The following CMSS1 variants were observed in gnomAD, a reference collection of about 807,000 sequenced individuals.
CMSS1 encodes protein CMSS1.
In CMSS1, 33 loss-of-function variants were observed where a neutral mutation model predicts 43.5. The ratio of observed to expected loss-of-function variants is 0.76; its 90% CI spans 0.57 to 1.01. The LOEUF is 1.01. Among genes scored for constraint, CMSS1 ranks in the 50% least tolerant of loss-of-function variants. The probability of loss-of-function intolerance (pLI) is 0.00; values close to 1 mark genes in which losing one functional copy is unlikely to be tolerated. For synonymous variants in CMSS1, 115 were observed against 117.2 expected (o/e 0.98, Z 0.12); for missense variants, 313 against 326.4 (o/e 0.96, Z 0.32).
intron 9 of CMSS1, among the ~76,000 whole-genome samples, chr3:100,178,046 G>C: frequency 6.6e-6 from 1 of 152,130 alleles, no homozygotes. Context: ...TTGAACCTGG[G>C]AAGCAGAGAT....
At chr3:99,878,810 A>G (rs1705626058) in intron 1 of CMSS1, among the ~76,000 whole-genome samples, 1 of 152,208 alleles carries the variant, frequency 6.6e-6, no homozygotes, top group African/African-American at 2.4e-5. Flanking sequence ...GCAAACTCCA[A>G]CCAGCTGTTG....
At chr3:100,172,985 A>T (rs908917855) in intron 8 of CMSS1, among the ~76,000 whole-genome samples, 4 of 152,194 alleles carry the variant, frequency 2.6e-5, no homozygotes, top group Non-Finnish European at 5.9e-5. Flanking sequence ...TACCAGGCAG[A>T]TTGAATGATT....
Position 100,136,929 on chromosome 3 carries a change from C to T in CMSS1, c.65-10044C>T, listed in dbSNP as rs183069840. On this transcript the variant is annotated intron_variant, in intron 1 of 9. Transcript: ENST00000421999. ...CAACCTCTGTGAGTATAGGTGGATT[C>T]AGAATTGAGAGCCTCTTCCTCCTTG... is the stretch of plus-strand genomic sequence containing the variant. Among the ~76,000 whole-genome samples the T allele has an allele frequency of 1.3e-3, 192 of 152,370 alleles. 2 individuals are homozygous for T. The highest frequency in any genetic ancestry group is 4.3e-3 in the African/African-American group (179 of 41,588).
intron 1 of CMSS1, among the ~76,000 whole-genome samples, chr3:100,013,745 T>A (rs1710234893): frequency 6.6e-6 from 1 of 152,212 alleles, no homozygotes; most frequent in Non-Finnish European, 1.5e-5. Context: ...AATGCAATGT[T>A]TGATGTATGT....
chr3:99,945,420 G>A (rs1707980044), intron 1 of CMSS1, among the ~76,000 whole-genome samples: 1 of 152,172 alleles, frequency 6.6e-6, no homozygotes. Flanking sequence ...ACTGTGTGTG[G>A]TTCCATATAG....
intron 1 of CMSS1, among the ~76,000 whole-genome samples, chr3:99,861,803 C>T (rs1226671254): frequency 2.0e-5 from 3 of 152,104 alleles, no homozygotes; most frequent in African/African-American, 2.4e-5. Context: ...CAGTGCAGAG[C>T]GAGAAATTCA....
chr3:99,867,418 A>G (rs1331384952), intron 1 of CMSS1, among the ~76,000 whole-genome samples: 2 of 152,354 alleles, frequency 1.3e-5, no homozygotes, highest in Non-Finnish European at 1.5e-5. Flanking sequence ...AGTAGCTGAA[A>G]AAAAGGTTTT....
chr3:99,863,032 T>C (rs1944337034), intron 1 of CMSS1, among the ~76,000 whole-genome samples: 1 of 152,210 alleles, frequency 6.6e-6, no homozygotes, highest in African/African-American at 2.4e-5. Context: ...TAGATACTCA[T>C]AGACTTGGTC....
intron 1 of CMSS1, among the ~76,000 whole-genome samples, chr3:100,134,992 T>C (rs1427193858): frequency 6.6e-6 from 1 of 152,220 alleles, no homozygotes; most frequent in African/African-American, 2.4e-5. Flanking sequence ...CCTCCATTTC[T>C]ACCTCTGTAA....
intron 1 of CMSS1, among the ~76,000 whole-genome samples, chr3:100,050,869 A>C (rs1373816588): frequency 6.6e-6 from 1 of 152,128 alleles, no homozygotes; most frequent in African/African-American, 2.4e-5. Flanking sequence ...TAACTTTGGA[A>C]GATAACTCTG....
At chr3:100,019,707 C>G (rs1399011105) in intron 1 of CMSS1, among the ~76,000 whole-genome samples, 1 of 152,136 alleles carries the variant, frequency 6.6e-6, no homozygotes. Flanking sequence ...TGAATGTATG[C>G]TGATGTATGT....
At chr3:99,828,371 C>G (rs904292613) in intron 1 of CMSS1, among the ~76,000 whole-genome samples, 2 of 148,210 alleles carry the variant, frequency 1.3e-5, no homozygotes, top group Admixed American at 6.7e-5. Context: ...AATACCTGCT[C>G]TATGTGAGGC....
At chr3:100,016,869 T>C (rs1025705308) in intron 1 of CMSS1, among the ~76,000 whole-genome samples, 3 of 152,242 alleles carry the variant, frequency 2.0e-5, no homozygotes, top group African/African-American at 7.2e-5. Flanking sequence ...CTATGTTATC[T>C]AATGGCAAAG....
intron 1 of CMSS1, among the ~76,000 whole-genome samples, chr3:99,974,605 G>T (rs1708915602): frequency 6.6e-6 from 1 of 152,080 alleles, no homozygotes; most frequent in African/African-American, 2.4e-5. Flanking sequence ...TACTCGGGAG[G>T]CTGAGGCAGG....
At chr3:100,173,338 A>G (rs1345946961) in intron 8 of CMSS1, among the ~76,000 whole-genome samples, 2 of 152,176 alleles carry the variant, frequency 1.3e-5, no homozygotes, top group Non-Finnish European at 2.9e-5. Flanking sequence ...ACACCCTTAC[A>G]TATGTTACCT....
intron 2 of CMSS1, among the ~76,000 whole-genome samples, chr3:100,150,213 G>T (rs1457397553): frequency 1.3e-5 from 2 of 152,148 alleles, no homozygotes; most frequent in South Asian, 4.1e-4. Flanking sequence ...TCTCCAGCTG[G>T]TTCGTAAGTC....
chr3:100,137,775 C>T (rs1385070664), intron 1 of CMSS1, among the ~76,000 whole-genome samples: 3 of 152,016 alleles, frequency 2.0e-5, no homozygotes, highest in Non-Finnish European at 2.9e-5. Context: ...ACCATGTTAG[C>T]CAGGATGGTT....
In CMSS1 at chr3:100,167,754, A is replaced by G; in HGVS notation, c.432A>G (p.Val144=). The change falls in exon 6 of 10, where the codon GTA becomes GTG. Residue 144 remains valine, a synonymous_variant. Coordinates refer to ENST00000421999, the MANE Select transcript of CMSS1 (RefSeq NM_032359.4). ...TTTTTCCAGTTTGTCCTAAGTGGGT[A>G]AAACTTAGGAAGAACCACAGTGAGA... is the stretch of plus-strand genomic sequence containing the variant. ...SYLKEICPKW[V]KLRKNHSEKK... is the part of the protein sequence containing the mutation. 2 of 1,611,856 alleles carry G rather than the reference A, an allele frequency of 1.2e-6. No homozygotes were observed. Among genetic ancestry groups the G allele is most frequent in the South Asian group, 1.1e-5 (1 of 90,792 alleles).
rs575921489 is a variant in CMSS1 at position 99,913,953 on chromosome 3, G to C, written c.64+95910G>C. Among the ~76,000 whole-genome samples the C allele has an allele frequency of 8.5e-5, 13 of 152,320 alleles. No individual in the cohort carries two copies. In the South Asian group the frequency reaches 2.7e-3, roughly 32 times the overall value. On this transcript the variant is annotated intron_variant, in intron 1 of 9. Transcript: ENST00000421999. ...ATTCATGGAAATAAATGGAGTGTAT[G>C]TGTATGATAAGTAGGGAGGAAATTT...
Sources: gnomAD v4.1 joint callset for allele counts (sites outside exome capture counted in the v4.1 genomes callset) on GRCh38, gnomAD v4.1.1 for gene constraint, MANE v1.5 for transcripts, NCBI Gene and HGNC (gene_info 2026-07-23, HGNC 2026-07-21) for gene names.